ERC1: variants seen among roughly 807,000 people sequenced by gnomAD.
ERC1 encodes RAB6 interacting protein 2.
ERC1 carries 56 observed loss-of-function variants against 132.0 expected under a neutral mutation model. The observed-to-expected ratio is 0.42, with a 90% CI of 0.34 to 0.53. The LOEUF is 0.53. ERC1 is among the 20% of genes least tolerant of loss of function. The probability of loss-of-function intolerance (pLI) is 0.03; values close to 1 mark genes in which losing one functional copy is unlikely to be tolerated. For synonymous variants in ERC1, 478 were observed against 476.1 expected (o/e 1.00, Z -0.05); for missense variants, 1,202 against 1,349.9 (o/e 0.89, Z 1.72).
chr12:1,304,419 C>G (rs73031296), intron 15 of ERC1, among the ~76,000 whole-genome samples: 5,280 of 152,256 alleles, frequency 0.035, 102 homozygotes, highest in Middle Eastern at 0.075. Flanking sequence ...GAGTCCCGTG[C>G]CAAGTCATTG....
At chr12:1,443,389 A>G (rs905929573) in intron 17 of ERC1, 1 of 152,206 alleles carries the variant, frequency 6.6e-6, no homozygotes, top group African/African-American at 2.4e-5. Flanking sequence ...GAGGGGGTCC[A>G]AGGAGGAATC....
intron 15 of ERC1, among the ~76,000 whole-genome samples, chr12:1,314,678 T>G (rs974071581): frequency 1.3e-5 from 2 of 152,228 alleles, no homozygotes; most frequent in Admixed American, 1.3e-4. Flanking sequence ...TTCTAAGAAG[T>G]AAATATGTAA....
chr12:1,130,629 A>T (rs1159484259), intron 7 of ERC1, among the ~76,000 whole-genome samples: 1 of 45,366 alleles, frequency 2.2e-5, no homozygotes, highest in Non-Finnish European at 5.5e-5. Context: ...CGAAACGTAT[A>T]GTCTTTTTTT....
rs2094316105 is a variant in ERC1 at position 1,491,271 on chromosome 12, T to C, written c.*1041T>C. On this transcript the variant is annotated 3_prime_UTR_variant, in exon 19 of 19. Transcript: ENST00000360905. ...CAGTGGCTGCTGAAGTTGTGATCCC[T>C]CACTCACCCTGCTAGCTTTGCCCTT... The C allele has an allele frequency of 4.3e-6, 1 of 231,092 alleles. No homozygotes were observed. The highest frequency in any genetic ancestry group is 8.6e-6 in the Non-Finnish European group (1 of 116,638). 14.3% of individuals were successfully genotyped at this position (231,092 alleles called of 1,614,324 possible).
At chr12:1,027,093 A>G (rs1389363727) in intron 1 of ERC1, among the ~76,000 whole-genome samples, 6 of 152,176 alleles carry the variant, frequency 3.9e-5, no homozygotes, top group Admixed American at 2.0e-4. Context: ...TTTTCCCCCA[A>G]AATTCTTGCA....
intron 15 of ERC1, among the ~76,000 whole-genome samples, chr12:1,296,024 A>G (rs868297371): frequency 6.7e-6 from 1 of 150,374 alleles, no homozygotes. Context: ...AAAAAAAAAA[A>G]AACAACTAAA....
chr12:1,145,207 G>A (rs974735042), intron 8 of ERC1, among the ~76,000 whole-genome samples: 8 of 151,998 alleles, frequency 5.3e-5, no homozygotes, highest in Admixed American at 3.3e-4. Flanking sequence ...AGTCGAGACG[G>A]GGTTTCACCA....
chr12:1,490,270 G>T lies in ERC1; in HGVS notation c.*40G>T, dbSNP rs2094305759. On this transcript the variant is annotated 3_prime_UTR_variant, in exon 19 of 19. Coordinates refer to ENST00000360905, the MANE Select transcript of ERC1 (RefSeq NM_178040.4). ...GAAGCCTGAGGTAGTCAACCCAGGA[G>T]CCAAGAAAAGAGAACTACGAGGAAC... 1 of 1,595,972 alleles carries T rather than the reference G, an allele frequency of 6.3e-7. No individual in the cohort carries two copies. Among genetic ancestry groups the T allele is most frequent in the Admixed American group, 1.7e-5 (1 of 58,022 alleles).
chr12:1,028,069 A>G lies in ERC1; in HGVS notation c.166A>G (p.Met56Val), dbSNP rs769275246. The G allele has an allele frequency of 1.2e-5, 20 of 1,614,078 alleles. No homozygotes were observed. The Middle Eastern group carries it at 6.6e-4, about 53-fold the overall frequency. Residue 56 changes from methionine (M) to valine (V), a missense_variant, in exon 2 of 19, where the codon ATG becomes GTG. Transcript: ENST00000360905. ...AGGTGGCAGTGGGAAAACCCTTTCA[A>G]TGGAAAATATACAATCTTTAAATGC... ...VGGGSGKTLSMENIQSLNAAY... is the reference protein window; with the variant it reads ...VGGGSGKTLSVENIQSLNAAY...
chr12:1,491,914 C>T lies in ERC1; in HGVS notation c.*1684C>T, dbSNP rs1288811120. 1 of 232,690 alleles carries T rather than the reference C, an allele frequency of 4.3e-6. No homozygotes were observed. The highest frequency in any genetic ancestry group is 2.2e-5 in the African/African-American group (1 of 45,326). The allele number at this position is 232,690 out of a possible 1,614,324, so 14.4% of individuals were successfully genotyped here. On this transcript the variant is annotated 3_prime_UTR_variant, in exon 19 of 19. Transcript: ENST00000360905. Reference sequence around the variant, plus strand: ...ACCAGAACCCAGCAGACACTCACATCTCCTGATAAGAGTTGCTGGACTCGA... The same window carrying T: ...ACCAGAACCCAGCAGACACTCACATTTCCTGATAAGAGTTGCTGGACTCGA...
At position 1,270,670 on chromosome 12, in the gene ERC1, A is replaced by C. The variant is rs931189936; in HGVS notation, c.2619+7505A>C. Among the ~76,000 whole-genome samples, 12 of 151,734 alleles carry C rather than the reference A, an allele frequency of 7.9e-5. No individual in the cohort carries two copies. The South Asian group carries it at 2.5e-3, about 31-fold the overall frequency. ...ATAATTTTCTTATAATATTTAATAT[A>C]TCTATTGGTTTTGATTGATACTATA... On this transcript the variant is annotated intron_variant, in intron 14 of 18. Coordinates refer to ENST00000360905, the MANE Select transcript of ERC1 (RefSeq NM_178040.4).
intron 2 of ERC1, among the ~76,000 whole-genome samples, chr12:1,030,356 A>G (rs1967781304): frequency 6.6e-6 from 1 of 152,204 alleles, no homozygotes; most frequent in East Asian, 1.9e-4. Context: ...TCTCTGATGA[A>G]GAAGTCATCT....
chr12:1,333,889 G>T (rs762573385), intron 15 of ERC1, among the ~76,000 whole-genome samples: 1 of 152,062 alleles, frequency 6.6e-6, no homozygotes, highest in Non-Finnish European at 1.5e-5. Flanking sequence ...AAGTGTTCAG[G>T]TTCCTTTTCC....
chr12:1,228,011 G>C (rs185444886), intron 12 of ERC1, among the ~76,000 whole-genome samples: 1 of 152,118 alleles, frequency 6.6e-6, no homozygotes, highest in Non-Finnish European at 1.5e-5. Context: ...CATTGGTATA[G>C]ATGTCTGTTT....
At chr12:1,303,148 G>A (rs2154345961) in intron 15 of ERC1, among the ~76,000 whole-genome samples, 1 of 152,292 alleles carries the variant, frequency 6.6e-6, no homozygotes, top group East Asian at 1.9e-4. Context: ...GATGGCTGCT[G>A]ACTGAGCAGA....
In ERC1 at chr12:1,408,132, G is replaced by A; in HGVS notation, c.2926-17G>A. On this transcript the variant is annotated splice_polypyrimidine_tract_variant and intron_variant, in intron 16 of 18. Coordinates refer to ENST00000360905, the MANE Select transcript of ERC1 (RefSeq NM_178040.4). ...AAACTTTACTTAAATTTAACCTTAT[G>A]AATAATTTCTTCCTAGACGCAAAAT... 1.3e-6 allele frequency: 2 copies of A among 1,588,032 alleles called. No homozygotes were observed. Among genetic ancestry groups the A allele is most frequent in the Non-Finnish European group, 1.7e-6 (2 of 1,156,758 alleles).
At chr12:1,273,273 T>A (rs1459691231) in intron 14 of ERC1, among the ~76,000 whole-genome samples, 2 of 152,218 alleles carry the variant, frequency 1.3e-5, no homozygotes, top group Non-Finnish European at 2.9e-5. Flanking sequence ...CTTTTTTCTC[T>A]TAAACAGTCA....
chr12:1,143,152 C>T (rs1950004943), intron 8 of ERC1, among the ~76,000 whole-genome samples: 1 of 152,200 alleles, frequency 6.6e-6, no homozygotes, highest in Non-Finnish European at 1.5e-5. Context: ...GAGCCACCCA[C>T]CTGGGCCTCC....
intron 8 of ERC1, among the ~76,000 whole-genome samples, chr12:1,173,761 T>G (rs574867882): frequency 2.6e-4 from 39 of 150,986 alleles, no homozygotes; most frequent in Non-Finnish European, 5.0e-4. Flanking sequence ...AAGAATAATG[T>G]GGTAACATTC....
Sources: gnomAD v4.1 joint callset for allele counts (sites outside exome capture counted in the v4.1 genomes callset) on GRCh38, gnomAD v4.1.1 for gene constraint, MANE v1.5 for transcripts, NCBI Gene and HGNC (gene_info 2026-07-23, HGNC 2026-07-21) for gene names.